The following MAOB variants were observed in gnomAD, a reference collection of about 807,000 sequenced individuals.
MAOB encodes amine oxidase [flavin-containing] B.
A neutral mutation model predicts 41.9 loss-of-function variants in MAOB; 15 were observed. The ratio of observed to expected loss-of-function variants is 0.36; its 90% CI spans 0.24 to 0.55. MAOB has a LOEUF of 0.55. Among genes scored for constraint, MAOB ranks in the 20% least tolerant of loss-of-function variants. The pLI, the probability that MAOB is intolerant of heterozygous loss-of-function variation, is 0.86. For missense variants in MAOB, 345 were observed against 398.7 expected, an observed-to-expected ratio of 0.87 and a Z score of 1.15; for synonymous variants, 167 against 144.2, an observed-to-expected ratio of 1.16 and a Z score of -1.13.
intron 3 of MAOB, among the ~76,000 whole-genome samples, chrX:43,833,817 G>C (rs2147159428): frequency 9.0e-6 from 1 of 111,634 alleles, no homozygotes; most frequent in South Asian, 3.8e-4. Flanking sequence ...GGAAACCTTG[G>C]AGGCGGAAAA....
At chrX:43,841,106 A>G (rs971722971) in intron 2 of MAOB, among the ~76,000 whole-genome samples, 17 of 111,243 alleles carry the variant, frequency 1.5e-4, no homozygotes, top group African/African-American at 5.6e-4. Flanking sequence ...AATCCTTCCA[A>G]AAGAAGAGCT....
At chrX:43,818,848 G>A (rs1175811283) in intron 3 of MAOB, among the ~76,000 whole-genome samples, 1 of 112,377 alleles carries the variant, frequency 8.9e-6, no homozygotes, top group African/African-American at 3.2e-5. Context: ...AAGTCCTGGA[G>A]AGGCAGGTCC....
intron 1 of MAOB, among the ~76,000 whole-genome samples, chrX:43,846,254 G>A (rs1184294437): frequency 1.8e-5 from 2 of 111,984 alleles, no homozygotes; most frequent in South Asian, 7.4e-4. Flanking sequence ...GAAATACATC[G>A]TTACTTGTAT....
intron 1 of MAOB, among the ~76,000 whole-genome samples, chrX:43,855,038 T>C (rs1273376526): frequency 3.6e-5 from 4 of 110,006 alleles, no homozygotes; most frequent in Non-Finnish European, 7.6e-5. Flanking sequence ...GCACAAGAAG[T>C]TCCATCCTGC....
chrX:43,800,446 A>T (rs2034579029), intron 5 of MAOB, among the ~76,000 whole-genome samples: 1 of 111,642 alleles, frequency 9.0e-6, no homozygotes, highest in Admixed American at 9.6e-5. Flanking sequence ...TGCAAACTAC[A>T]TTCTCATAGA....
At chrX:43,824,689 AAAAAG>A (rs1467706011) in intron 3 of MAOB, among the ~76,000 whole-genome samples, 1 of 112,293 alleles carries the variant, frequency 8.9e-6, no homozygotes, top group Non-Finnish European at 1.9e-5. Context: ...TCTCAAAAAA[AAAAAG>A]AAAAGATTTG....
At chrX:43,864,259 TTTTG>T (rs2035351351) in intron 1 of MAOB, among the ~76,000 whole-genome samples, 3 of 111,783 alleles carry the variant, frequency 2.7e-5, no homozygotes, top group African/African-American at 9.7e-5. Context: ...ATGTGAAGCA[TTTTG>T]TTTATTTTAT....
chrX:43,857,162 GA>G (rs2035302818), intron 1 of MAOB, among the ~76,000 whole-genome samples: 1 of 53,872 alleles, frequency 1.9e-5, no homozygotes, highest in African/African-American at 8.1e-5. Flanking sequence ...GAGAGAGAGA[GA>G]GAAGAAGAGA....
chrX:43,867,738 CTGT>C (rs1257092962), intron 1 of MAOB, among the ~76,000 whole-genome samples: 1 of 112,270 alleles, frequency 8.9e-6, no homozygotes, highest in African/African-American at 3.2e-5. Context: ...GCAGATATTG[CTGT>C]TATTATATTT....
At chrX:43,821,340 C>A (rs2034877872) in intron 3 of MAOB, among the ~76,000 whole-genome samples, 1 of 111,716 alleles carries the variant, frequency 9.0e-6, no homozygotes, top group Non-Finnish European at 1.9e-5. Flanking sequence ...CAAGCCCTCT[C>A]TGAACCTCCA....
intron 1 of MAOB, among the ~76,000 whole-genome samples, chrX:43,850,669 G>C (rs1486985503): frequency 8.9e-6 from 1 of 111,826 alleles, no homozygotes; most frequent in Non-Finnish European, 1.9e-5. Flanking sequence ...AAGCCTTCTC[G>C]GAAACATGAT....
intron 2 of MAOB, among the ~76,000 whole-genome samples, chrX:43,842,530 T>A (rs1226486227): frequency 1.8e-5 from 2 of 112,053 alleles, no homozygotes; most frequent in Admixed American, 1.9e-4. Context: ...AATGGAAAAC[T>A]AAAAATAGAA....
At chrX:43,774,561 C>G (rs1312018408) in intron 12 of MAOB, among the ~76,000 whole-genome samples, 4 of 112,045 alleles carry the variant, frequency 3.6e-5, no homozygotes, top group Non-Finnish European at 7.5e-5. Flanking sequence ...AAGTGAGGTT[C>G]AGAAAGGAGA....
chrX:43,876,117 G>A (rs1052935013), intron 1 of MAOB, among the ~76,000 whole-genome samples: 20 of 110,567 alleles, frequency 1.8e-4, no homozygotes, highest in Non-Finnish European at 2.8e-4. Context: ...GCGCCACCAC[G>A]CCTGGCTAAT....
chrX:43,803,569 T>G (rs2034624985), intron 3 of MAOB, among the ~76,000 whole-genome samples, 165 bp from the exon 4 acceptor site: 1 of 112,357 alleles, frequency 8.9e-6, no homozygotes, highest in Non-Finnish European at 1.9e-5. Flanking sequence ...ACTTAACTTT[T>G]TAGCATAGAG....
chrX:43,853,402 C>T (rs1368215276), intron 1 of MAOB, among the ~76,000 whole-genome samples: 1 of 110,713 alleles, frequency 9.0e-6, no homozygotes, highest in African/African-American at 3.3e-5. Context: ...AAGATAGGCC[C>T]GGGGGCAATG....
intron 14 of MAOB, among the ~76,000 whole-genome samples, 198 bp from the exon 15 acceptor site, chrX:43,767,816 G>C (rs138615267): frequency 1.8e-5 from 2 of 111,428 alleles, no homozygotes. Flanking sequence ...TTTCTTTCCT[G>C]AGACCCCAGC....
intron 3 of MAOB, among the ~76,000 whole-genome samples, chrX:43,821,235 G>A (rs1444630453): frequency 1.8e-5 from 2 of 111,383 alleles, no homozygotes; most frequent in Non-Finnish European, 3.8e-5. Context: ...GCATCACTGA[G>A]CATGCTGGGA....
chrX:43,873,246 C>A (rs1169216398), intron 1 of MAOB, among the ~76,000 whole-genome samples: 1 of 111,715 alleles, frequency 9.0e-6, no homozygotes, highest in South Asian at 3.7e-4. Context: ...TACACACACA[C>A]CACTGGGATC....
Sources: gnomAD v4.1 joint callset for allele counts (sites outside exome capture counted in the v4.1 genomes callset) on GRCh38, gnomAD v4.1.1 for gene constraint, MANE v1.5 for transcripts, NCBI Gene and HGNC (gene_info 2026-07-23, HGNC 2026-07-21) for gene names.